Variants in MARCHF6 observed in about 807,000 individuals in gnomAD.
MARCHF6 encodes the protein membrane associated ring-CH-type finger 6, also known as E3 ubiquitin-protein ligase MARCHF6.
Under a neutral mutation model 133.7 loss-of-function variants are expected in MARCHF6, and 31 were observed. The ratio of observed to expected loss-of-function variants is 0.23; its 90% CI spans 0.17 to 0.31. MARCHF6 has a LOEUF of 0.31. MARCHF6 is among the 10% of genes least tolerant of loss of function. MARCHF6 has a pLI of 1.00. For synonymous variants in MARCHF6, 395 were observed against 402.5 expected (o/e 0.98, Z 0.22); for missense variants, 723 against 1,121.6 (o/e 0.64, Z 5.08).
At chr5:10,413,991 A>G (rs1269058641) in intron 19 of MARCHF6, among the ~76,000 whole-genome samples, 1 of 152,230 alleles carries the variant, frequency 6.6e-6, no homozygotes, top group African/African-American at 2.4e-5. Context: ...ATTTACACTA[A>G]CCACATATCA....
At chr5:10,361,644 A>C (rs1205981421) in intron 1 of MARCHF6, among the ~76,000 whole-genome samples, 1 of 152,228 alleles carries the variant, frequency 6.6e-6, no homozygotes, top group African/African-American at 2.4e-5. Flanking sequence ...TAGGGCTTCA[A>C]CACGTGAATT....
Position 10,394,073 on chromosome 5 carries a change from T to C in MARCHF6, c.767-9T>C. ...TCAAGTAATCTTTAAATTGCAATTA[T>C]ATTTTCAGATGACATGAATTGGAAT... On this transcript the variant is annotated splice_polypyrimidine_tract_variant and intron_variant, in intron 7 of 25. Transcript: ENST00000274140. 1 of 1,495,056 alleles carries C rather than the reference T, an allele frequency of 6.7e-7. No homozygotes were observed. Among genetic ancestry groups the C allele is most frequent in the Non-Finnish European group, 9.0e-7 (1 of 1,111,722 alleles). The allele number at this position is 1,495,056 out of a possible 1,614,324, so 92.6% of individuals were successfully genotyped here.
At chr5:10,412,158 G>C (rs568596348) in intron 19 of MARCHF6, among the ~76,000 whole-genome samples, 3 of 151,964 alleles carry the variant, frequency 2.0e-5, no homozygotes, top group African/African-American at 7.2e-5. Flanking sequence ...TTCTTTTTTT[G>C]TAAAAATAGT....
At chr5:10,376,598 A>G (rs540599309) in intron 1 of MARCHF6, among the ~76,000 whole-genome samples, 3 of 152,254 alleles carry the variant, frequency 2.0e-5, no homozygotes, top group South Asian at 2.1e-4. Context: ...GCATCTCCCA[A>G]TTTAGACAAA....
At chr5:10,376,044 C>T (rs1736760214) in intron 1 of MARCHF6, among the ~76,000 whole-genome samples, 1 of 152,196 alleles carries the variant, frequency 6.6e-6, no homozygotes, top group Non-Finnish European at 1.5e-5. Flanking sequence ...CTCGGCTCTA[C>T]CAATCAGCAG....
chr5:10,415,351 T>C lies in MARCHF6; in HGVS notation c.1967-137T>C, dbSNP rs1259086670. The C allele has an allele frequency of 5.0e-6, 4 of 802,658 alleles. No homozygotes were observed. The East Asian group carries it at 1.0e-4, about 20-fold the overall frequency. The allele number at this position is 802,658 out of a possible 1,614,324, so 49.7% of individuals were successfully genotyped here. On this transcript the variant is annotated intron_variant, in intron 20 of 25. Transcript: ENST00000274140. The stretch of plus-strand genomic sequence containing the variant: ...CTTTAGACATTGTGATTTTTGTCTT[T>C]TGTTTTTTTGATGAAGACATTGATA...
intron 1 of MARCHF6, among the ~76,000 whole-genome samples, chr5:10,354,335 C>G (rs542012326): frequency 5.3e-5 from 8 of 152,206 alleles, no homozygotes; most frequent in African/African-American, 9.6e-5. Context: ...GGCCCTACCC[C>G]CTCGCGACAG....
intron 3 of MARCHF6, among the ~76,000 whole-genome samples, chr5:10,381,263 T>C (rs184513166): frequency 2.4e-4 from 37 of 152,334 alleles, no homozygotes; most frequent in Admixed American, 2.3e-3. Flanking sequence ...GAATTTATCA[T>C]TTGAAATTTT....
Position 10,410,505 on chromosome 5 carries a change from G to A in MARCHF6, c.1691+229G>A, listed in dbSNP as rs1268139125. Among the ~76,000 whole-genome samples, 3 of 149,158 alleles carry A rather than the reference G, an allele frequency of 2.0e-5. No individual in the cohort carries two copies. In the East Asian group the frequency reaches 5.9e-4, roughly 29 times the overall value. On this transcript the variant is annotated intron_variant, in intron 18 of 25. Coordinates refer to ENST00000274140, the MANE Select transcript of MARCHF6 (RefSeq NM_005885.4). ...TCTTTTTGCCCTCTTATAGAAGTTTGCTGCTGGTCCAGCTTTCATGGAGTA... is the reference window on the plus strand; with the variant it reads ...TCTTTTTGCCCTCTTATAGAAGTTTACTGCTGGTCCAGCTTTCATGGAGTA...
chr5:10,408,528 A>G (rs1739039468), intron 17 of MARCHF6, among the ~76,000 whole-genome samples: 2 of 152,148 alleles, frequency 1.3e-5, no homozygotes, highest in Admixed American at 1.3e-4. Flanking sequence ...ATCCAGATTA[A>G]GGTTTTTAAA....
chr5:10,384,182 T>C (rs928999326), intron 4 of MARCHF6, among the ~76,000 whole-genome samples: 3 of 152,032 alleles, frequency 2.0e-5, no homozygotes, highest in African/African-American at 7.2e-5. Flanking sequence ...AATGTGAAAG[T>C]TAAAAAGAAA....
intron 17 of MARCHF6, among the ~76,000 whole-genome samples, chr5:10,409,187 C>A (rs1015343606): frequency 8.5e-5 from 13 of 152,166 alleles, no homozygotes; most frequent in Non-Finnish European, 1.6e-4. Context: ...TTACTCTACA[C>A]ATAGTAAAAT....
In MARCHF6 at chr5:10,391,667, G is replaced by A. The variant is rs760057753; in HGVS notation, c.702G>A (p.Glu234=). The A allele has an allele frequency of 6.2e-7, 1 of 1,608,028 alleles. No homozygotes were observed. The highest frequency in any genetic ancestry group is 8.5e-7 in the Non-Finnish European group (1 of 1,177,390). The change falls in exon 7 of 26, where the codon GAG becomes GAA. Residue 234 remains glutamate, a synonymous_variant. Coordinates refer to ENST00000274140, the MANE Select transcript of MARCHF6 (RefSeq NM_005885.4). ...ATGACCAGGCAGAAGAGGAGGAGGA[G>A]GACAATGAGGAGGAAGATGACGCTG... is the stretch of plus-strand genomic sequence containing the variant. ...AQDDQAEEEE[E]DNEEEDDAGV... is the part of the protein sequence containing the mutation.
chr5:10,422,918 G>A (rs1223374780), intron 22 of MARCHF6, among the ~76,000 whole-genome samples: 3 of 152,054 alleles, frequency 2.0e-5, no homozygotes, highest in Non-Finnish European at 4.4e-5. Context: ...AGGATTTAAG[G>A]TAGTGATCAC....
At chr5:10,417,994 A>G (rs1385010590) in intron 22 of MARCHF6, among the ~76,000 whole-genome samples, 1 of 152,168 alleles carries the variant, frequency 6.6e-6, no homozygotes, top group Non-Finnish European at 1.5e-5. Flanking sequence ...CCTTTGAGGT[A>G]GGGTGAATTG....
At chr5:10,355,394 G>A (rs1025354871) in intron 1 of MARCHF6, among the ~76,000 whole-genome samples, 3 of 152,162 alleles carry the variant, frequency 2.0e-5, no homozygotes, top group Non-Finnish European at 4.4e-5. Context: ...GGATAGGTAC[G>A]GACGTATTAC....
At chr5:10,370,578 AT>A (rs1310299522) in intron 1 of MARCHF6, among the ~76,000 whole-genome samples, 2 of 152,022 alleles carry the variant, frequency 1.3e-5, no homozygotes, top group Non-Finnish European at 2.9e-5. Flanking sequence ...AACATTTAAA[AT>A]TTTTTATTCC....
chr5:10,372,768 A>G (rs1006882658), intron 1 of MARCHF6, among the ~76,000 whole-genome samples: 1 of 152,250 alleles, frequency 6.6e-6, no homozygotes, highest in Non-Finnish European at 1.5e-5. Context: ...GATTTGTTTT[A>G]TATTTGCCAA....
In MARCHF6 at chr5:10,402,130, A is replaced by G; in HGVS notation, c.1044A>G (p.Ile348Met). Residue 348 changes from isoleucine to methionine, a missense_variant, in exon 12 of 26, where the codon ATA (isoleucine) becomes ATG (methionine). Ile to Met is a conservative substitution (Grantham distance 10). Transcript: ENST00000274140. ...ATATACTTTTAGCAATAACACTGAT[A>G]ATTTGTCATGTATCCTTTAATGAAC... Reference protein sequence around the residue: ...VGYILLAITLIICHGLATLVK... With the variant: ...VGYILLAITLMICHGLATLVK... 1.3e-6 allele frequency: 2 copies of G among 1,597,074 alleles called. No homozygotes were observed. Among genetic ancestry groups the G allele is most frequent in the Non-Finnish European group, 1.7e-6 (2 of 1,166,396 alleles).
Sources: allele counts gnomAD v4.1 joint callset (sites outside exome capture counted in the v4.1 genomes callset), GRCh38; gene constraint gnomAD v4.1.1; transcripts MANE v1.5; gene names NCBI Gene and HGNC (gene_info 2026-07-23, HGNC 2026-07-21).